CFAP299: variants seen among roughly 807,000 people sequenced by gnomAD.
The protein encoded by CFAP299 is cilia- and flagella-associated protein 299.
In CFAP299, 21 loss-of-function variants were observed where a neutral mutation model predicts 27.0. The observed-to-expected ratio is 0.78, with a 90% CI of 0.55 to 1.12. The LOEUF (loss-of-function observed/expected upper bound fraction) is 1.12. Among genes scored for constraint, CFAP299 ranks in the 50% most tolerant of loss-of-function variants. CFAP299 has a pLI of 0.00. For missense variants in CFAP299, 310 were observed against 276.6 expected, an observed-to-expected ratio of 1.12 and a Z score of -0.86; for synonymous variants, 104 against 98.1, an observed-to-expected ratio of 1.06 and a Z score of -0.36.
intron 3 of CFAP299, among the ~76,000 whole-genome samples, chr4:80,665,942 C>T (rs1027486880): frequency 9.2e-5 from 14 of 152,072 alleles, no homozygotes; most frequent in African/African-American, 3.4e-4. Flanking sequence ...TGCTTCCTGA[C>T]ATGATTGGAA....
At chr4:80,636,929 A>T (rs1420447161) in intron 3 of CFAP299, among the ~76,000 whole-genome samples, 2 of 152,202 alleles carry the variant, frequency 1.3e-5, no homozygotes, top group African/African-American at 4.8e-5. Flanking sequence ...AGAAAATAAA[A>T]AATTGAAGTT....
In CFAP299 at chr4:80,888,613, C is replaced by T. The variant is rs1734088088; in HGVS notation, c.476+18478C>T. Among the ~76,000 whole-genome samples the T allele has an allele frequency of 2.0e-5, 3 of 152,046 alleles. No individual in the cohort carries two copies. In the South Asian group the frequency reaches 6.2e-4, roughly 31 times the overall value. On this transcript the variant is annotated intron_variant, in intron 4 of 5. Coordinates refer to ENST00000358105, the MANE Select transcript of CFAP299 (RefSeq NM_152770.3). ...ATCGGACTTAACCTCTACTATAAAA[C>T]AAATGTGCCTAATAGATATTTACAA...
intron 3 of CFAP299, among the ~76,000 whole-genome samples, chr4:80,848,036 C>G (rs1336872060): frequency 2.6e-5 from 4 of 151,834 alleles, no homozygotes; most frequent in Non-Finnish European, 5.9e-5. Flanking sequence ...ATGGCAGAAC[C>G]CTATCTCTAC....
At chr4:80,440,005 C>T (rs1728279786) in intron 2 of CFAP299, among the ~76,000 whole-genome samples, 2 of 152,168 alleles carry the variant, frequency 1.3e-5, no homozygotes, top group South Asian at 4.1e-4. Flanking sequence ...TCTGTAGATT[C>T]CTCCTCTCTG....
chr4:80,903,737 A>G lies in CFAP299; in HGVS notation c.476+33602A>G, dbSNP rs905990067. On this transcript the variant is annotated intron_variant, in intron 4 of 5. Transcript: ENST00000358105. ...CTATAAGAAAGTCCTTCAAAGATAT[A>G]TCTGAGAGGTAGCTAGCTCTCAGTC... Among the ~76,000 whole-genome samples, 5 of 152,258 alleles carry G rather than the reference A, an allele frequency of 3.3e-5. No individual in the cohort carries two copies. In the South Asian group the frequency reaches 1.0e-3, roughly 32 times the overall value.
intron 2 of CFAP299, among the ~76,000 whole-genome samples, chr4:80,428,626 A>C (rs1013607719): frequency 2.6e-5 from 4 of 151,658 alleles, no homozygotes; most frequent in Non-Finnish European, 5.9e-5. Context: ...TCCTGGGTTC[A>C]AGTGATTCTC....
chr4:80,688,554 C>A (rs1720402552), intron 3 of CFAP299, among the ~76,000 whole-genome samples: 1 of 152,204 alleles, frequency 6.6e-6, no homozygotes, highest in Non-Finnish European at 1.5e-5. Context: ...ACATCACCAT[C>A]ATCAAAGACA....
intron 3 of CFAP299, among the ~76,000 whole-genome samples, chr4:80,694,687 T>C (rs1720977844): frequency 6.6e-6 from 1 of 152,222 alleles, no homozygotes; most frequent in Non-Finnish European, 1.5e-5. Context: ...ATAGGAATAA[T>C]TGTATTTAAT....
At chr4:80,665,784 T>G (rs1741116345) in intron 3 of CFAP299, among the ~76,000 whole-genome samples, 1 of 152,178 alleles carries the variant, frequency 6.6e-6, no homozygotes, top group Admixed American at 6.5e-5. Flanking sequence ...GAGTAGATTT[T>G]TCATGAATGG....
chr4:80,387,732 G>A, intron 2 of CFAP299: 1 of 1,582,874 alleles, frequency 6.3e-7, no homozygotes, highest in Non-Finnish European at 8.7e-7. Flanking sequence ...CACCTGTGTG[G>A]CTTCAGATGT....
At chr4:80,427,583 G>A (rs1167336002) in intron 2 of CFAP299, among the ~76,000 whole-genome samples, 2 of 152,128 alleles carry the variant, frequency 1.3e-5, no homozygotes, top group Non-Finnish European at 2.9e-5. Context: ...GCACATTTCT[G>A]TAGAAAGGGC....
chr4:80,853,587 C>A (rs1731650655), intron 3 of CFAP299, among the ~76,000 whole-genome samples: 1 of 152,054 alleles, frequency 6.6e-6, no homozygotes, highest in Non-Finnish European at 1.5e-5. Context: ...GGGCCCTAGG[C>A]AGAAACATTT....
intron 3 of CFAP299, among the ~76,000 whole-genome samples, chr4:80,651,739 T>TGTG (rs60420818): frequency 1.3e-5 from 2 of 149,742 alleles, no homozygotes; most frequent in African/African-American, 4.9e-5. Context: ...TGTGTGTGTG[T>TGTG]TTGTGTGTCT....
In CFAP299 at chr4:80,447,119, G is replaced by GTT. The variant is rs71641487; in HGVS notation, c.242+84244_242+84245dup. 6.6e-3 allele frequency among the ~76,000 whole-genome samples: 429 copies of GTT among 65,474 alleles called. 6 individuals carry two copies. The highest frequency in any genetic ancestry group is 0.028 in the South Asian group (45 of 1,636). The allele number at this position is 65,474 out of a possible 152,430, so 43.0% of individuals were successfully genotyped here. A position where few individuals can be genotyped will look rare whatever the true frequency, so the allele number is the denominator to read the frequency against. ...TTGTTTTTGTTTTTGCTTTTTATTTGTTTTTTTTTTGTTTTTTTTTTTTTT... is the reference window on the plus strand; with the variant it reads ...TTGTTTTTGTTTTTGCTTTTTATTTGTTTTTTTTTTTTGTTTTTTTTTTTTTT... On this transcript the variant is annotated intron_variant, in intron 2 of 5. Transcript: ENST00000358105.
chr4:80,389,537 G>A (rs528094135), intron 2 of CFAP299, among the ~76,000 whole-genome samples: 1 of 152,262 alleles, frequency 6.6e-6, no homozygotes, highest in South Asian at 2.1e-4. Flanking sequence ...GGTATTTGAG[G>A]AGTAAATTAA....
At chr4:80,578,767 G>A (rs370319740) in intron 2 of CFAP299, among the ~76,000 whole-genome samples, 9 of 152,046 alleles carry the variant, frequency 5.9e-5, no homozygotes, top group African/African-American at 2.2e-4. Context: ...AAATGAGTAG[G>A]AATTAAAGAT....
intron 4 of CFAP299, among the ~76,000 whole-genome samples, chr4:80,940,376 T>C (rs1186180542): frequency 6.6e-6 from 1 of 152,206 alleles, no homozygotes; most frequent in Non-Finnish European, 1.5e-5. Flanking sequence ...CACTCAGCTA[T>C]CATTTTCCCC....
At chr4:80,949,562 C>G (rs1393035264) in intron 5 of CFAP299, among the ~76,000 whole-genome samples, 1 of 147,400 alleles carries the variant, frequency 6.8e-6, no homozygotes, top group Non-Finnish European at 1.5e-5. Flanking sequence ...AAAAAAGAAG[C>G]AGGATCATAA....
intron 2 of CFAP299, among the ~76,000 whole-genome samples, chr4:80,414,482 C>T (rs1291851497): frequency 2.0e-5 from 3 of 152,142 alleles, no homozygotes; most frequent in African/African-American, 7.2e-5. Flanking sequence ...CTTAGAACAT[C>T]AAAGGATTTG....
Sources: allele counts gnomAD v4.1 joint callset (sites outside exome capture counted in the v4.1 genomes callset), GRCh38; gene constraint gnomAD v4.1.1; transcripts MANE v1.5; gene names NCBI Gene and HGNC (gene_info 2026-07-23, HGNC 2026-07-21).